HS6ST3: variants seen among roughly 807,000 people sequenced by gnomAD.
The protein encoded by HS6ST3 is heparan-sulfate 6-O-sulfotransferase 3.
In HS6ST3, 12 loss-of-function variants were observed where a neutral mutation model predicts 36.7. That is an observed-to-expected ratio of 0.33 (90% CI 0.21 to 0.53). The LOEUF is 0.53. Among genes scored for constraint, HS6ST3 ranks in the 20% least tolerant of loss-of-function variants. The pLI, the probability that HS6ST3 is intolerant of heterozygous loss-of-function variation, is 0.95. For missense variants in HS6ST3, 584 were observed against 640.9 expected, an observed-to-expected ratio of 0.91 and a Z score of 0.96; for synonymous variants, 240 against 257.5, an observed-to-expected ratio of 0.93 and a Z score of 0.65.
rs397947223 is a variant in HS6ST3 at position 96,173,693 on chromosome 13, A to AG, written c.707+82124_707+82125insG. Among the ~76,000 whole-genome samples, 333 of 150,180 alleles carry AG rather than the reference A, an allele frequency of 2.2e-3. 3 individuals carry two copies. Among genetic ancestry groups the AG allele is most frequent in the African/African-American group, 7.9e-3 (320 of 40,762 alleles). On this transcript the variant is annotated intron_variant, in intron 1 of 1. Coordinates refer to ENST00000376705, the MANE Select transcript of HS6ST3 (RefSeq NM_153456.4). Reference sequence around the variant, plus strand: ...GTAAAAAAAAAAAAAAAAAAAAAAAATGGAGTCCAGAGGATAGTAATATTT... The same window carrying AG: ...GTAAAAAAAAAAAAAAAAAAAAAAAAGTGGAGTCCAGAGGATAGTAATATTT...
At chr13:96,670,614 T>C (rs2138430876) in intron 1 of HS6ST3, among the ~76,000 whole-genome samples, 1 of 152,198 alleles carries the variant, frequency 6.6e-6, no homozygotes, top group East Asian at 1.9e-4. Context: ...GGAGAGTTCA[T>C]CTATGGTTAT....
chr13:96,447,896 G>A (rs540920035), intron 1 of HS6ST3, among the ~76,000 whole-genome samples: 5 of 152,066 alleles, frequency 3.3e-5, no homozygotes, highest in African/African-American at 4.8e-5. Context: ...TAAACTTTCC[G>A]CTCCTTAAAA....
intron 1 of HS6ST3, among the ~76,000 whole-genome samples, chr13:96,826,417 A>T (rs7987042): frequency 0.044 from 6,718 of 151,774 alleles, 480 homozygotes; most frequent in African/African-American, 0.15. Flanking sequence ...TTACATAGCA[A>T]TTTTTTTTTA....
intron 1 of HS6ST3, among the ~76,000 whole-genome samples, chr13:96,417,183 G>A (rs530185556): frequency 6.6e-6 from 1 of 152,062 alleles, no homozygotes; most frequent in Admixed American, 6.5e-5. Flanking sequence ...TTTTTTTCTT[G>A]GAGGTACCAG....
At chr13:96,212,075 C>T (rs1371582103) in intron 1 of HS6ST3, among the ~76,000 whole-genome samples, 1 of 152,154 alleles carries the variant, frequency 6.6e-6, no homozygotes, top group Non-Finnish European at 1.5e-5. Context: ...TTTTGTCTGA[C>T]TGGTCAATTG....
At chr13:96,645,161 G>A (rs1314720156) in intron 1 of HS6ST3, among the ~76,000 whole-genome samples, 3 of 151,902 alleles carry the variant, frequency 2.0e-5, no homozygotes, top group Non-Finnish European at 4.4e-5. Flanking sequence ...TTCTCACAAT[G>A]CTTTTAAGAG....
intron 1 of HS6ST3, among the ~76,000 whole-genome samples, chr13:96,813,750 C>G (rs894805907): frequency 6.6e-6 from 1 of 152,156 alleles, no homozygotes; most frequent in African/African-American, 2.4e-5. Context: ...CAATAAACAA[C>G]ATACATAATG....
chr13:96,782,020 C>T (rs538862611), intron 1 of HS6ST3, among the ~76,000 whole-genome samples: 7 of 152,160 alleles, frequency 4.6e-5, no homozygotes, highest in Admixed American at 1.3e-4. Flanking sequence ...ATATAAACTC[C>T]GAGATCTGTT....
intron 1 of HS6ST3, among the ~76,000 whole-genome samples, chr13:96,200,989 C>A (rs2054339024): frequency 6.6e-6 from 1 of 152,148 alleles, no homozygotes; most frequent in Non-Finnish European, 1.5e-5. Context: ...GGCAGGTGGC[C>A]ATGGTATTCT....
intron 1 of HS6ST3, among the ~76,000 whole-genome samples, chr13:96,540,111 A>T (rs1047999600): frequency 6.6e-6 from 1 of 152,162 alleles, no homozygotes; most frequent in Non-Finnish European, 1.5e-5. Context: ...TTGAAAACTC[A>T]CTTGGAGATT....
intron 1 of HS6ST3, among the ~76,000 whole-genome samples, chr13:96,154,641 G>A (rs2054102185): frequency 6.6e-6 from 1 of 152,030 alleles, no homozygotes; most frequent in Non-Finnish European, 1.5e-5. Flanking sequence ...TAAAGATAAT[G>A]AACAGATGAC....
intron 1 of HS6ST3, among the ~76,000 whole-genome samples, chr13:96,348,961 A>G (rs1487822535): frequency 6.6e-6 from 1 of 152,234 alleles, no homozygotes; most frequent in Non-Finnish European, 1.5e-5. Context: ...ACCAATAGGG[A>G]AAGAGATTTA....
Position 96,784,406 on chromosome 13 carries a change from A to G in HS6ST3, c.708-48084A>G, listed in dbSNP as rs142127740. 6.6e-4 allele frequency among the ~76,000 whole-genome samples: 100 copies of G among 152,288 alleles called. 2 individuals carry two copies. Among genetic ancestry groups the G allele is most frequent in the African/African-American group, 2.3e-3 (97 of 41,560 alleles). On this transcript the variant is annotated intron_variant, in intron 1 of 1. Coordinates refer to ENST00000376705, the MANE Select transcript of HS6ST3 (RefSeq NM_153456.4). ...ATTTTTCTTAGCTGAGAGGTAGAGA[A>G]CTGGATAAAGTAACATATGCTAATA...
chr13:96,695,662 C>G (rs560156882), intron 1 of HS6ST3, among the ~76,000 whole-genome samples: 1 of 115,736 alleles, frequency 8.6e-6, no homozygotes, highest in Non-Finnish European at 1.8e-5. Context: ...GTCTTGAACT[C>G]CTGGCCTCAA....
At chr13:96,749,385 G>T (rs1270626321) in intron 1 of HS6ST3, among the ~76,000 whole-genome samples, 1 of 152,014 alleles carries the variant, frequency 6.6e-6, no homozygotes, top group East Asian at 1.9e-4. Context: ...CATGTATATA[G>T]TTTGGATTAT....
At chr13:96,513,086 C>A (rs1186813847) in intron 1 of HS6ST3, among the ~76,000 whole-genome samples, 2 of 152,120 alleles carry the variant, frequency 1.3e-5, no homozygotes, top group Non-Finnish European at 2.9e-5. Context: ...CTATGGACTT[C>A]TGCACTGTCA....
intron 1 of HS6ST3, among the ~76,000 whole-genome samples, chr13:96,182,114 C>T (rs906586310): frequency 2.0e-5 from 3 of 152,270 alleles, no homozygotes; most frequent in South Asian, 2.1e-4. Context: ...CATCAGAGTT[C>T]GTGACTATTG....
chr13:96,814,153 T>C (rs1878374095), intron 1 of HS6ST3, among the ~76,000 whole-genome samples: 1 of 152,148 alleles, frequency 6.6e-6, no homozygotes, highest in African/African-American at 2.4e-5. Flanking sequence ...GGGTCTTAGA[T>C]CCCATCTCTT....
chr13:96,818,014 A>G (rs1441930824), intron 1 of HS6ST3, among the ~76,000 whole-genome samples: 1 of 152,218 alleles, frequency 6.6e-6, no homozygotes, highest in Non-Finnish European at 1.5e-5. Flanking sequence ...ATAGCCATGA[A>G]AAGTGGGATA....
Sources: gnomAD v4.1 joint callset for allele counts (sites outside exome capture counted in the v4.1 genomes callset) on GRCh38, gnomAD v4.1.1 for gene constraint, MANE v1.5 for transcripts, NCBI Gene and HGNC (gene_info 2026-07-23, HGNC 2026-07-21) for gene names.